The following HRH1 variants were observed in gnomAD, a reference collection of about 807,000 sequenced individuals.
HRH1 encodes the protein histamine H1 receptor.
Under a neutral mutation model 10.3 loss-of-function variants are expected in HRH1, and 6 were observed. The ratio of observed to expected loss-of-function variants is 0.58; its 90% CI spans 0.32 to 1.15. The LOEUF (loss-of-function observed/expected upper bound fraction) is 1.15, where lower values mean the gene tolerates loss of function less well. Ranked by LOEUF, HRH1 falls within the 50% of genes most tolerant of loss-of-function variation. The pLI is 0.05. For synonymous variants in HRH1, 242 were observed against 236.7 expected (o/e 1.02, Z -0.21); for missense variants, 514 against 615.3 (o/e 0.84, Z 1.74).
chr3:11,148,810 C>CTTTTTTTTTTTT (rs755029776), intron 1 of HRH1, among the ~76,000 whole-genome samples: 1 of 84,418 alleles, frequency 1.2e-5, no homozygotes, highest in Non-Finnish European at 2.3e-5. Flanking sequence ...AAACCACAGT[C>CTTTTTTTTTTTT]TTTTTTTTTT....
chr3:11,250,916 A>G (rs1939632687), intron 1 of HRH1, among the ~76,000 whole-genome samples: 1 of 152,166 alleles, frequency 6.6e-6, no homozygotes, highest in Non-Finnish European at 1.5e-5. Flanking sequence ...ATTCCTACGC[A>G]TCCATAAACT....
intron 1 of HRH1, among the ~76,000 whole-genome samples, chr3:11,237,970 C>G (rs1272556531): frequency 6.6e-6 from 1 of 152,190 alleles, no homozygotes; most frequent in Non-Finnish European, 1.5e-5. Context: ...GCCACTGCGC[C>G]CAGCCTCTCC....
chr3:11,207,256 G>A (rs1938164773), intron 1 of HRH1, among the ~76,000 whole-genome samples: 1 of 152,038 alleles, frequency 6.6e-6, no homozygotes, highest in Non-Finnish European at 1.5e-5. Context: ...GGTTCAGAGT[G>A]ATGGGTCCTA....
chr3:11,140,761 C>A (rs185509202), intron 1 of HRH1, among the ~76,000 whole-genome samples: 1 of 152,260 alleles, frequency 6.6e-6, no homozygotes, highest in East Asian at 1.9e-4. Flanking sequence ...ACCTCAGTGT[C>A]CCCATCTGTA....
chr3:11,180,908 A>G (rs147796380), intron 1 of HRH1, among the ~76,000 whole-genome samples: 4 of 151,104 alleles, frequency 2.6e-5, no homozygotes, highest in Non-Finnish European at 5.9e-5. Flanking sequence ...TAATGCTGCT[A>G]TGAACAAGTT....
chr3:11,208,177 G>C (rs1240296526), intron 1 of HRH1, among the ~76,000 whole-genome samples: 1 of 144,664 alleles, frequency 6.9e-6, no homozygotes, highest in Non-Finnish European at 1.5e-5. Context: ...TTTTGAGACA[G>C]GCTCTCACTC....
intron 1 of HRH1, among the ~76,000 whole-genome samples, chr3:11,193,656 T>G (rs981082227): frequency 5.3e-5 from 8 of 152,168 alleles, no homozygotes; most frequent in African/African-American, 1.9e-4. Context: ...GAAATTTATT[T>G]CTCACAGTTC....
At chr3:11,144,492 C>CGTCTATAGGTATATAT (rs1559249848) in intron 1 of HRH1, among the ~76,000 whole-genome samples, 8 of 3,098 alleles carry the variant, frequency 2.6e-3, no homozygotes, top group African/African-American at 7.1e-3. Context: ...TACACACACA[C>CGTCTATAGGTATATAT]ACACGCCACA....
chr3:11,186,431 A>G (rs1433873935), intron 1 of HRH1, among the ~76,000 whole-genome samples: 4 of 152,250 alleles, frequency 2.6e-5, no homozygotes, highest in Non-Finnish European at 4.4e-5. Flanking sequence ...TCCTTGCAGC[A>G]TGGCATAGAT....
intron 1 of HRH1, among the ~76,000 whole-genome samples, chr3:11,161,792 G>A (rs1381481239): frequency 6.6e-6 from 1 of 152,158 alleles, no homozygotes; most frequent in Non-Finnish European, 1.5e-5. Flanking sequence ...ACAGCAGCGG[G>A]TTTCACCAAG....
At chr3:11,223,673 C>A (rs1316357414) in intron 1 of HRH1, among the ~76,000 whole-genome samples, 3 of 152,180 alleles carry the variant, frequency 2.0e-5, no homozygotes, top group African/African-American at 7.2e-5. Context: ...CCAGCTACAG[C>A]AGCAAGCTGC....
intron 1 of HRH1, among the ~76,000 whole-genome samples, chr3:11,174,723 T>C (rs67146820): frequency 0.14 from 21,088 of 152,170 alleles, 2,629 homozygotes; most frequent in African/African-American, 0.33. Flanking sequence ...CTCCAGTGCT[T>C]TGAAGGCTGG....
intron 1 of HRH1, among the ~76,000 whole-genome samples, chr3:11,215,046 T>G (rs903869118): frequency 2.0e-5 from 3 of 152,226 alleles, no homozygotes; most frequent in Admixed American, 2.0e-4. Context: ...ATGACATGGC[T>G]GATCGCTTAC....
chr3:11,243,366 A>T (rs1344198357), intron 1 of HRH1, among the ~76,000 whole-genome samples: 1 of 152,228 alleles, frequency 6.6e-6, no homozygotes, highest in South Asian at 2.1e-4. Flanking sequence ...GTTGCACTTC[A>T]GAGACAGAAA....
upstream of HRH1, among the ~76,000 whole-genome samples, chr3:11,151,004 C>T (rs1273424913): frequency 5.9e-5 from 9 of 152,208 alleles, 1 homozygote; most frequent in Admixed American, 3.3e-4. Flanking sequence ...AATAGCACCT[C>T]GATTGTCTTT....
chr3:11,187,704 C>A (rs1937472832), intron 1 of HRH1, among the ~76,000 whole-genome samples: 1 of 152,198 alleles, frequency 6.6e-6, no homozygotes, highest in African/African-American at 2.4e-5. Flanking sequence ...CTTCAGGAAG[C>A]ATCAATCCTC....
rs931085565 is a variant in HRH1, at chr3:11,263,111, C to T, written c.*2610C>T. On this transcript the variant is annotated 3_prime_UTR_variant, in exon 2 of 2. Coordinates refer to ENST00000431010, the MANE Select transcript of HRH1 (RefSeq NM_001098212.2). The stretch of plus-strand genomic sequence containing the variant: ...CTTTCCACTTTATCAATCTGCTCTT[C>T]GTACTCCTGTCTGAACGATGGAAAT... 2 of 167,192 alleles carry T rather than the reference C, an allele frequency of 1.2e-5. No individual in the cohort carries two copies. Among genetic ancestry groups the T allele is most frequent in the East Asian group, 3.9e-4 (2 of 5,190 alleles). 10.4% of individuals were successfully genotyped at this position (167,192 alleles called of 1,614,324 possible).
chr3:11,179,627 A>G (rs1356740899), intron 1 of HRH1, among the ~76,000 whole-genome samples: 3 of 151,648 alleles, frequency 2.0e-5, no homozygotes, highest in African/African-American at 7.3e-5. Flanking sequence ...CTCAAAAAAA[A>G]AAAAAGAAAG....
chr3:11,159,000 CA>C (rs1216442072), intron 1 of HRH1, among the ~76,000 whole-genome samples: 1 of 152,210 alleles, frequency 6.6e-6, no homozygotes, highest in Non-Finnish European at 1.5e-5. Context: ...GTAATCCCAG[CA>C]CTTTGGGAGG....
Sources: gnomAD v4.1 joint callset for allele counts (sites outside exome capture counted in the v4.1 genomes callset) on GRCh38, gnomAD v4.1.1 for gene constraint, MANE v1.5 for transcripts, NCBI Gene and HGNC (gene_info 2026-07-23, HGNC 2026-07-21) for gene names.